SHC4: variants seen among roughly 807,000 people sequenced by gnomAD.
SHC4 encodes the protein SHC-transforming protein 4.
Under a neutral mutation model 69.4 loss-of-function variants are expected in SHC4, and 41 were observed. That is an observed-to-expected ratio of 0.59 (90% CI 0.46 to 0.77). The LOEUF (loss-of-function observed/expected upper bound fraction) is 0.77, where lower values mean the gene tolerates loss of function less well. Ranked by LOEUF, SHC4 falls within the 30% of genes least tolerant of loss-of-function variation. SHC4 has a pLI of 0.00. For missense variants in SHC4, 777 were observed against 783.8 expected, an observed-to-expected ratio of 0.99 and a Z score of 0.10; for synonymous variants, 318 against 299.3, an observed-to-expected ratio of 1.06 and a Z score of -0.64.
In SHC4 at chr15:48,843,496, T is replaced by C. The variant is rs2140973369; in HGVS notation, c.1396A>G (p.Ile466Val). Residue 466 changes from isoleucine to valine, a missense_variant, in exon 10 of 12, where the codon ATT becomes GTT. Transcript: ENST00000332408. ...GTACTTTGAAGAGCCTGTGTATTAA[T>C]GTAGCAGGGGTCATCAAAGAGATCC... ...RVDLFDDPCYINTQALQSTPG... is the reference protein window; with the variant it reads ...RVDLFDDPCYVNTQALQSTPG... 6.2e-7 allele frequency: 1 copy of C among 1,614,190 alleles called. No homozygotes were observed. The highest frequency in any genetic ancestry group is 8.5e-7 in the Non-Finnish European group (1 of 1,180,004).
At chr15:48,947,048 G>C (rs1901289863) in intron 1 of SHC4, 1 of 152,174 alleles carries the variant, frequency 6.6e-6, no homozygotes, top group Non-Finnish European at 1.5e-5. Context: ...TAAGGCTTCA[G>C]TTAGAGCTAC....
chr15:48,897,702 A>G (rs981954593), intron 2 of SHC4, among the ~76,000 whole-genome samples: 1 of 144,724 alleles, frequency 6.9e-6, no homozygotes, highest in African/African-American at 2.6e-5. Flanking sequence ...AAACCAGGCA[A>G]AGGGGCCCAG....
intron 4 of SHC4, among the ~76,000 whole-genome samples, chr15:48,875,981 T>C (rs540266065): frequency 6.6e-6 from 1 of 152,334 alleles, no homozygotes; most frequent in African/African-American, 2.4e-5. Flanking sequence ...AGCACACACG[T>C]CTTCTCTTAC....
In SHC4 at chr15:48,835,019, GC is replaced by G; in HGVS notation, c.1486del (p.Ala496HisfsTer36). 1 of 1,609,008 alleles carries G rather than the reference GC, an allele frequency of 6.2e-7. No homozygotes were observed. Among genetic ancestry groups the G allele is most frequent in the Admixed American group, 1.7e-5 (1 of 59,530 alleles). Reference sequence around the variant, plus strand: ...GGCACCCGGCTGAACAGTTTCTGGTGCCTCTGAAGTCAGAACACAAAGAGAG... The same window carrying G: ...GGCACCCGGCTGAACAGTTTCTGGTGCTCTGAAGTCAGAACACAAAGAGAG... Reference protein sequence around the residue: ...PLGSPWHCGKAPETVQPGATA... With the variant: ...PLGSPWHCGKXPETVQPGATA... On this transcript the variant is annotated frameshift_variant and splice_region_variant, in exon 11 of 12. Coordinates refer to ENST00000332408, the MANE Select transcript of SHC4 (RefSeq NM_203349.4). LOFTEE classifies it high-confidence loss of function.
chr15:48,846,907 C>G (rs1241394130), intron 9 of SHC4, among the ~76,000 whole-genome samples: 3 of 151,858 alleles, frequency 2.0e-5, no homozygotes, highest in African/African-American at 7.3e-5. Flanking sequence ...TTTACCATCC[C>G]GTAGGATGAC....
chr15:48,829,047 T>G (rs980208100), intron 11 of SHC4, among the ~76,000 whole-genome samples: 6 of 152,206 alleles, frequency 3.9e-5, no homozygotes, highest in Non-Finnish European at 7.3e-5. Flanking sequence ...TAGTGTCCCT[T>G]TTGTTGCCTG....
In SHC4 at chr15:48,924,870, G is replaced by T. The variant is rs201448531; in HGVS notation, c.656+9C>A. On this transcript the variant is annotated intron_variant, in intron 2 of 11. Coordinates refer to ENST00000332408, the MANE Select transcript of SHC4 (RefSeq NM_203349.4). Reference sequence around the variant, plus strand: ...CTCCTCAAAGCCCCTCCCATTTTTGGCTTCTTACCTTGTAACTTGGGTTCT... The same window carrying T: ...CTCCTCAAAGCCCCTCCCATTTTTGTCTTCTTACCTTGTAACTTGGGTTCT... 1 of 1,613,834 alleles carries T rather than the reference G, an allele frequency of 6.2e-7. No homozygotes were observed. Among genetic ancestry groups the T allele is most frequent in the East Asian group, 2.2e-5 (1 of 44,874 alleles).
intron 6 of SHC4, among the ~76,000 whole-genome samples, chr15:48,864,257 A>G (rs906545575): frequency 6.6e-5 from 10 of 151,960 alleles, no homozygotes; most frequent in Non-Finnish European, 1.3e-4. Context: ...TTCTCCATCA[A>G]TCTAAATATC....
At chr15:48,884,147 G>T in intron 4 of SHC4, 101 bp downstream of exon 4, 1 of 1,310,690 alleles carries the variant, frequency 7.6e-7, no homozygotes, top group Non-Finnish European at 9.9e-7. Flanking sequence ...GCTGTATTAG[G>T]TTGTAGGCAT....
intron 10 of SHC4, among the ~76,000 whole-genome samples, chr15:48,839,222 C>T (rs141899273): frequency 7.4e-4 from 113 of 152,278 alleles, no homozygotes; most frequent in Middle Eastern, 3.4e-3. Context: ...AAACTCCACA[C>T]GGAACTGCCT....
At chr15:48,848,639 G>A (rs1377539440) in intron 9 of SHC4, among the ~76,000 whole-genome samples, 2 of 152,114 alleles carry the variant, frequency 1.3e-5, no homozygotes, top group Admixed American at 6.5e-5. Context: ...TCTTCTTATA[G>A]TGGCTTAGGG....
intron 10 of SHC4, among the ~76,000 whole-genome samples, chr15:48,843,155 A>G (rs1433385428): frequency 4.6e-5 from 7 of 152,164 alleles, no homozygotes; most frequent in Non-Finnish European, 1.0e-4. Context: ...GGGGCAGTCA[A>G]TATGAAGACA....
intron 1 of SHC4, among the ~76,000 whole-genome samples, chr15:48,934,990 C>T (rs535634946): frequency 6.6e-6 from 1 of 152,186 alleles, no homozygotes; most frequent in Admixed American, 6.5e-5. Flanking sequence ...TAAAAATGTT[C>T]TGTAATTGGT....
Position 48,962,576 on chromosome 15 carries a change from T to G in SHC4, c.440A>C (p.Gln147Pro), listed in dbSNP as rs138588262. The G allele has an allele frequency of 1.1e-3, 1,799 of 1,612,472 alleles. 6 individuals carry two copies. The highest frequency in any genetic ancestry group is 9.6e-4 in the Non-Finnish European group (1,133 of 1,179,024). The change falls in exon 1 of 12, where the codon CAG becomes CCG. Residue 147 changes from glutamine (Q) to proline (P), a missense_variant. Transcript: ENST00000332408. ...TGCCCTGTGTCCCACCAGGTCCTGCTGCGGTGGAGGTGCAGTCCCGGACCT... is the reference window on the plus strand; with the variant it reads ...TGCCCTGTGTCCCACCAGGTCCTGCGGCGGTGGAGGTGCAGTCCCGGACCT... Reference protein sequence around the residue: ...LSRSGTAPPPQQDLVGHRATA... With the variant: ...LSRSGTAPPPPQDLVGHRATA...
At chr15:48,844,902 T>C (rs1595729407) in intron 9 of SHC4, among the ~76,000 whole-genome samples, 1 of 152,356 alleles carries the variant, frequency 6.6e-6, no homozygotes, top group East Asian at 1.9e-4. Context: ...TGTGAGTCCA[T>C]TAAACCTCTT....
chr15:48,874,534 T>C (rs547419951), intron 4 of SHC4, among the ~76,000 whole-genome samples: 2 of 152,202 alleles, frequency 1.3e-5, no homozygotes, highest in African/African-American at 2.4e-5. Context: ...TAGATTCTCA[T>C]AGGAGAATGA....
At chr15:48,892,201 G>C (rs1206892737) in intron 2 of SHC4, among the ~76,000 whole-genome samples, 1 of 152,144 alleles carries the variant, frequency 6.6e-6, no homozygotes, top group South Asian at 2.1e-4. Flanking sequence ...TTGTAGTGCA[G>C]AGCGATGTTC....
At chr15:48,839,691 A>T (rs1047973646) in intron 10 of SHC4, among the ~76,000 whole-genome samples, 20 of 152,092 alleles carry the variant, frequency 1.3e-4, no homozygotes, top group Non-Finnish European at 1.5e-5. Flanking sequence ...TTCCCCCGCT[A>T]ATTTGGGGTA....
At chr15:48,838,544 T>A (rs1023509255) in intron 10 of SHC4, among the ~76,000 whole-genome samples, 1 of 152,148 alleles carries the variant, frequency 6.6e-6, no homozygotes, top group Non-Finnish European at 1.5e-5. Flanking sequence ...GATGTTAACA[T>A]GAAATGTTAA....
Sources: gnomAD v4.1 joint callset for allele counts (sites outside exome capture counted in the v4.1 genomes callset) on GRCh38, gnomAD v4.1.1 for gene constraint, MANE v1.5 for transcripts, NCBI Gene and HGNC (gene_info 2026-07-23, HGNC 2026-07-21) for gene names.